Variants in ZFHX3 observed in about 807,000 individuals in gnomAD.
ZFHX3 encodes zinc finger homeobox protein 3.
A neutral mutation model predicts 279.1 loss-of-function variants in ZFHX3; 42 were observed. The observed-to-expected ratio is 0.15, with a 90% CI of 0.12 to 0.19. The LOEUF is 0.19. Among genes scored for constraint, ZFHX3 ranks in the 10% least tolerant of loss-of-function variants. The pLI is 1.00. For synonymous variants in ZFHX3, 2,293 were observed against 1,957.8 expected, an observed-to-expected ratio of 1.17 and a Z score of -4.52; for missense variants, 4,981 against 4,754.0, an observed-to-expected ratio of 1.05 and a Z score of -1.40.
At chr16:73,348,020 A>C (rs1397115819) in intron 3 of ZFHX3, among the ~76,000 whole-genome samples, 1 of 152,210 alleles carries the variant, frequency 6.6e-6, no homozygotes, top group Non-Finnish European at 1.5e-5. Context: ...GTTAAAGGGG[A>C]AAAAAGCAGC....
At chr16:73,367,352 C>T (rs977323198) in intron 3 of ZFHX3, among the ~76,000 whole-genome samples, 9 of 152,072 alleles carry the variant, frequency 5.9e-5, no homozygotes, top group African/African-American at 1.9e-4. Context: ...CACTTCACAG[C>T]GTGGAGCAGG....
In ZFHX3 at chr16:73,636,446, T is replaced by C. The variant is rs770023022; in HGVS notation, c.-1547+43734A>G. 9.8e-5 allele frequency among the ~76,000 whole-genome samples: 15 copies of C among 152,288 alleles called. No homozygotes were observed. In the South Asian group the frequency reaches 1.0e-3, roughly 11 times the overall value. The stretch of plus-strand genomic sequence containing the variant: ...AAAAATAACTAGGATGTAATGTATA[T>C]TGGCAAGAAAGAGGCAAAAGTATCA... On this transcript the variant is annotated intron_variant, in intron 2 of 17. Coordinates refer to the ZFHX3 transcript ENST00000641206.
chr16:73,522,930 C>A (rs1437966732), intron 2 of ZFHX3, among the ~76,000 whole-genome samples: 3 of 152,124 alleles, frequency 2.0e-5, no homozygotes, highest in African/African-American at 7.2e-5. Context: ...CCTTATAAAA[C>A]CATCAGATCT....
At chr16:73,234,186 A>C (rs940663083) in intron 5 of ZFHX3, among the ~76,000 whole-genome samples, 1 of 152,188 alleles carries the variant, frequency 6.6e-6, no homozygotes, top group African/African-American at 2.4e-5. Flanking sequence ...ATTCATGCAG[A>C]GAATGTTCAA....
rs949665075 is a variant in ZFHX3 at position 73,715,562 on chromosome 16, CTTTTTTTTTTTTT to C, written c.-1607-35335_-1607-35323del. On this transcript the variant is annotated intron_variant, in intron 1 of 17. Coordinates refer to the ZFHX3 transcript ENST00000641206. Reference sequence around the variant, plus strand: ...CAAGTTAGCAAGTACCACAGCTGGTCTTTTTTTTTTTTTTTTTTTTTTTTTTTTGAGACAGAGT... The same window carrying C: ...CAAGTTAGCAAGTACCACAGCTGGTCTTTTTTTTTTTTTTTGAGACAGAGT... 1.4e-4 allele frequency among the ~76,000 whole-genome samples: 9 copies of C among 63,022 alleles called. No individual in the cohort carries two copies. In the South Asian group the frequency reaches 1.4e-3, roughly 10 times the overall value. The allele number at this position is 63,022 out of a possible 152,430, so 41.3% of individuals were successfully genotyped here. A position where few individuals can be genotyped will look rare whatever the true frequency, so the allele number is the denominator to read the frequency against.
chr16:73,536,314 G>A (rs1380132094), intron 2 of ZFHX3, among the ~76,000 whole-genome samples: 1 of 152,158 alleles, frequency 6.6e-6, no homozygotes, highest in African/African-American at 2.4e-5. Context: ...TTCAAAATAT[G>A]AAGTTCACAC....
At chr16:73,524,225 C>G (rs1052871365) in intron 2 of ZFHX3, among the ~76,000 whole-genome samples, 1 of 152,164 alleles carries the variant, frequency 6.6e-6, no homozygotes, top group African/African-American at 2.4e-5. Flanking sequence ...ATTTTTTATA[C>G]ATAAACACAT....
At chr16:73,806,454 C>G (rs1181104231) in intron 1 of ZFHX3, among the ~76,000 whole-genome samples, 1 of 152,142 alleles carries the variant, frequency 6.6e-6, no homozygotes, top group Non-Finnish European at 1.5e-5. Context: ...GCTTTAGCTC[C>G]GCTGAATACA....
intron 2 of ZFHX3, among the ~76,000 whole-genome samples, chr16:73,607,239 G>A (rs1237437822): frequency 1.3e-5 from 2 of 152,124 alleles, no homozygotes; most frequent in Admixed American, 1.3e-4. Flanking sequence ...ATATTGGCCA[G>A]GCTGGTCTCG....
chr16:73,715,984 G>T (rs887212075), intron 1 of ZFHX3, among the ~76,000 whole-genome samples: 1 of 152,064 alleles, frequency 6.6e-6, no homozygotes, highest in Non-Finnish European at 1.5e-5. Context: ...TAAAACCTTT[G>T]CATTCCAGGT....
At chr16:73,823,806 C>T (rs1196145174) in intron 1 of ZFHX3, among the ~76,000 whole-genome samples, 1 of 152,148 alleles carries the variant, frequency 6.6e-6, no homozygotes, top group Non-Finnish European at 1.5e-5. Flanking sequence ...AAAAAGTATG[C>T]CAGCGCCTCC....
intron 4 of ZFHX3, among the ~76,000 whole-genome samples, chr16:73,287,334 G>C (rs186501077): frequency 7.0e-6 from 1 of 142,788 alleles, no homozygotes; most frequent in African/African-American, 2.6e-5. Flanking sequence ...CCAGTGTGTG[G>C]GTGGTGGGTG....
At chr16:73,602,262 G>A (rs2052126575) in intron 2 of ZFHX3, among the ~76,000 whole-genome samples, 1 of 152,188 alleles carries the variant, frequency 6.6e-6, no homozygotes, top group Admixed American at 6.5e-5. Context: ...CTAAAATGAT[G>A]TTTCAGTTGT....
intron 4 of ZFHX3, among the ~76,000 whole-genome samples, chr16:72,841,095 C>T (rs937350443): frequency 6.6e-6 from 1 of 152,186 alleles, no homozygotes; most frequent in Non-Finnish European, 1.5e-5. Context: ...CTGCAAGCAT[C>T]GTGGGGAGCC....
Position 72,793,973 on chromosome 16 carries a change from G to T in ZFHX3, c.8709C>A (p.Ser2903Arg), listed in dbSNP as rs759836143. ...GLVSPAPSFY[S>R]KEYDNEGTVD... ...CTGTACCTTCATTGTCATATTCCTT[G>T]CTATAAAAGCTCGGGGCCGGGCTGA... The change falls in exon 9 of 10, where the codon AGC becomes AGA. Residue 2903 changes from serine (S) to arginine (R), a missense_variant. Coordinates refer to ENST00000268489, the MANE Select transcript of ZFHX3 (RefSeq NM_006885.4). The surrounding 1 kb of genome is among the most constrained non-coding windows in gnomAD (Gnocchi z 4.3). The T allele has an allele frequency of 1.2e-6, 2 of 1,614,210 alleles. No homozygotes were observed. The highest frequency in any genetic ancestry group is 1.7e-6 in the Non-Finnish European group (2 of 1,180,032).
In ZFHX3 at chr16:72,787,241, C is replaced by A. The variant is rs780518082; in HGVS notation, c.11035G>T (p.Val3679Leu). ...CAGCTGGGGTCTTTGGGACCCTCCA[C>A]CGGGCTCGCCGGTCCGTCGGACTTT... is the stretch of plus-strand genomic sequence containing the variant. Reference protein sequence around the residue: ...SQKSDGPASPVEGPKDPSCPK... With the variant: ...SQKSDGPASPLEGPKDPSCPK... Residue 3679 changes from valine to leucine, a missense_variant, in exon 10 of 10, where the codon GTG becomes TTG. Physicochemically the swap from Val to Leu is conservative, Grantham distance 32 (BLOSUM62 1). Around this residue, in one of 7 missense-constraint regions of ZFHX3, gnomAD observed 1,034 missense variants for 786.0 expected, o/e 1.32. Coordinates refer to ENST00000268489, the MANE Select transcript of ZFHX3 (RefSeq NM_006885.4). The A allele has an allele frequency of 5.0e-6, 8 of 1,613,992 alleles. No individual in the cohort carries two copies. In the African/African-American group the frequency reaches 9.3e-5, roughly 19 times the overall value.
chr16:73,745,503 G>C (rs577515371), intron 1 of ZFHX3, among the ~76,000 whole-genome samples: 8 of 152,200 alleles, frequency 5.3e-5, no homozygotes, highest in Non-Finnish European at 1.2e-4. Flanking sequence ...GAAGATAATA[G>C]GGAGAGGTGA....
chr16:73,532,938 C>T (rs907520185), intron 2 of ZFHX3, among the ~76,000 whole-genome samples: 9 of 152,154 alleles, frequency 5.9e-5, no homozygotes, highest in African/African-American at 1.7e-4. Flanking sequence ...GGCCTTCTGC[C>T]ATGATTTTAA....
chr16:73,369,567 A>C (rs1483400861), intron 3 of ZFHX3, among the ~76,000 whole-genome samples: 1 of 152,198 alleles, frequency 6.6e-6, no homozygotes, highest in Non-Finnish European at 1.5e-5. Flanking sequence ...GGTTATAGGA[A>C]GAACCAAACA....
Sources: gnomAD v4.1 joint callset for allele counts (sites outside exome capture counted in the v4.1 genomes callset) on GRCh38, gnomAD v4.1.1 for gene constraint, gnomAD v4.1.1 regional missense constraint, Gnocchi (gnomAD v3.1) non-coding constraint, MANE v1.5 for transcripts, NCBI Gene and HGNC (gene_info 2026-07-23, HGNC 2026-07-21) for gene names.